The following STRIP2 variants were observed in gnomAD, a reference collection of about 807,000 sequenced individuals.
STRIP2 encodes the protein striatin interacting protein 2.
STRIP2 carries 84 observed loss-of-function variants against 107.1 expected under a neutral mutation model. That is an observed-to-expected ratio of 0.78 (90% confidence interval 0.66 to 0.94). The LOEUF (loss-of-function observed/expected upper bound fraction) is 0.94. STRIP2 is among the 40% of genes least tolerant of loss of function. The probability of loss-of-function intolerance (pLI) is 0.00; values close to 1 mark genes in which losing one functional copy is unlikely to be tolerated. For synonymous variants in STRIP2, 394 were observed against 400.4 expected, an observed-to-expected ratio of 0.98 and a Z score of 0.19; for missense variants, 888 against 1,034.2, an observed-to-expected ratio of 0.86 and a Z score of 1.94.
At chr7:129,440,140 AGGGAAGG>A in intron 2 of STRIP2, 49 bp downstream of exon 2, 2 of 1,517,888 alleles carry the variant, frequency 1.3e-6, no homozygotes, top group Non-Finnish European at 1.8e-6. Context: ...CCAGGAGGAG[AGGGAAGG>A]GGCCTGTGAT....
intron 3 of STRIP2, among the ~76,000 whole-genome samples, chr7:129,446,206 G>C (rs1367702229): frequency 6.6e-6 from 1 of 152,146 alleles, no homozygotes; most frequent in African/African-American, 2.4e-5. Flanking sequence ...AGGCTGATTG[G>C]TGTCCACAGA....
intron 1 of STRIP2, 58 bp from the exon 2 acceptor site, chr7:129,439,964 C>T: frequency 7.2e-7 from 1 of 1,387,836 alleles, no homozygotes; most frequent in Non-Finnish European, 1.0e-6. Flanking sequence ...TACAGTCTTC[C>T]CTTGGCAACC....
At chr7:129,456,350 C>T in intron 8 of STRIP2, 89 bp from the exon 9 acceptor site, 1 of 1,227,144 alleles carries the variant, frequency 8.1e-7, no homozygotes, top group Admixed American at 1.9e-5. Context: ...GGTTGTGGCC[C>T]TTTCTTTTCA....
At chr7:129,437,435 TAA>T (rs111422796) in intron 1 of STRIP2, among the ~76,000 whole-genome samples, 1 of 144,454 alleles carries the variant, frequency 6.9e-6, no homozygotes, top group Non-Finnish European at 1.5e-5. Context: ...GACCCTGTCT[TAA>T]AAAAAAAAAG....
chr7:129,477,459 A>G (rs558992317), intron 18 of STRIP2, among the ~76,000 whole-genome samples: 2 of 152,288 alleles, frequency 1.3e-5, no homozygotes, highest in East Asian at 1.9e-4. Flanking sequence ...CACTATTTCT[A>G]TAATGGGTTC....
chr7:129,459,681 T>G (rs1204198343), intron 12 of STRIP2, 101 bp downstream of exon 12: 2 of 931,596 alleles, frequency 2.1e-6, no homozygotes, highest in Non-Finnish European at 3.4e-6. Flanking sequence ...TACCAGACTC[T>G]TTCTGGACCT....
chr7:129,481,276 A>C (rs11769581), intron 19 of STRIP2, among the ~76,000 whole-genome samples: 30,028 of 152,040 alleles, frequency 0.2, 3,884 homozygotes, highest in Non-Finnish European at 0.28. Flanking sequence ...AGGCGGGCAG[A>C]TAACAAGGTC....
intron 17 of STRIP2, 148 bp from the exon 18 acceptor site, chr7:129,470,501 C>A: frequency 1.6e-6 from 1 of 618,804 alleles, no homozygotes; most frequent in Non-Finnish European, 3.0e-6. Context: ...TGCCTGGCAC[C>A]AGAGCCCTCA....
At chr7:129,436,014 C>T (rs1400697331) in intron 1 of STRIP2, among the ~76,000 whole-genome samples, 1 of 151,954 alleles carries the variant, frequency 6.6e-6, no homozygotes, top group Non-Finnish European at 1.5e-5. Flanking sequence ...CTCAGCCCTC[C>T]TGTCTTGCTA....
At chr7:129,474,924 A>T (rs1340309495) in intron 18 of STRIP2, among the ~76,000 whole-genome samples, 1 of 152,228 alleles carries the variant, frequency 6.6e-6, no homozygotes, top group Non-Finnish European at 1.5e-5. Context: ...AGCTAATGGC[A>T]TATTAATTTC....
At chr7:129,457,407 A>G (rs1421356604) in intron 9 of STRIP2, among the ~76,000 whole-genome samples, 3 of 152,242 alleles carry the variant, frequency 2.0e-5, no homozygotes, top group African/African-American at 7.2e-5. Flanking sequence ...TGGGTCCACA[A>G]TTACATATGC....
chr7:129,456,668 T>C lies in STRIP2; in HGVS notation c.1038+26T>C. On this transcript the variant is annotated intron_variant, in intron 9 of 20. Coordinates refer to ENST00000249344, the MANE Select transcript of STRIP2 (RefSeq NM_020704.3). ...GTATGGACTGAAGCAGACAATGGTA[T>C]TGGGACACCGACTGGCCAAAAATCA... 4.4e-6 allele frequency: 7 copies of C among 1,595,866 alleles called. No individual in the cohort carries two copies. In the South Asian group the frequency reaches 5.5e-5, roughly 13 times the overall value.
At position 129,434,565 on chromosome 7, in the gene STRIP2, C is replaced by T. The variant is rs1375846100; in HGVS notation, c.93C>T (p.Gly31=). Residue 31 remains glycine (G), a synonymous_variant, in exon 1 of 21, where the codon GGC becomes GGT. Transcript: ENST00000249344. ...GGKGKQAAPK[G]REAFRSQRRE... ...AAGGGAAGCAGGCGGCGCCCAAGGG[C>T]CGCGAAGCGTTCCGAAGCCAGCGGC... The T allele has an allele frequency of 1.3e-6, 2 of 1,516,342 alleles. No homozygotes were observed. Among genetic ancestry groups the T allele is most frequent in the African/African-American group, 2.8e-5 (2 of 70,292 alleles). 93.9% of individuals were successfully genotyped at this position (1,516,342 alleles called of 1,614,324 possible).
rs1403297555 is a variant in STRIP2, at chr7:129,487,078, A to G, written c.*1249A>G. The G allele has an allele frequency of 7.8e-6, 1 of 128,334 alleles. No individual in the cohort carries two copies. The highest frequency in any genetic ancestry group is 1.5e-5 in the Non-Finnish European group (1 of 64,966). The allele number at this position is 128,334 out of a possible 1,614,324, so 7.9% of individuals were successfully genotyped here. A position where few individuals can be genotyped will look rare whatever the true frequency, so the allele number is the denominator to read the frequency against. On this transcript the variant is annotated 3_prime_UTR_variant, in exon 21 of 21. Coordinates refer to ENST00000249344, the MANE Select transcript of STRIP2 (RefSeq NM_020704.3). ...GCCCAAGCTGGAGTGCAATGGCACG[A>G]TCTCGGCTCACTGCAACCTCCGCCT...
chr7:129,468,340 A>G (rs1200760831), intron 17 of STRIP2, among the ~76,000 whole-genome samples: 2 of 152,176 alleles, frequency 1.3e-5, no homozygotes, highest in Non-Finnish European at 2.9e-5. Flanking sequence ...TATGTAGCTT[A>G]AAACACACAC....
chr7:129,453,157 A>G, intron 4 of STRIP2, 70 bp from the exon 5 acceptor site: 2 of 1,595,728 alleles, frequency 1.3e-6, no homozygotes, highest in African/African-American at 2.7e-5. Context: ...TCTTAAGATC[A>G]TGGGGCAGGG....
At chr7:129,466,484 A>G (rs1471840585) in intron 16 of STRIP2, among the ~76,000 whole-genome samples, 2 of 152,084 alleles carry the variant, frequency 1.3e-5, no homozygotes, top group African/African-American at 2.4e-5. Flanking sequence ...GAGGATTTAA[A>G]ACACCATAGT....
intron 1 of STRIP2, among the ~76,000 whole-genome samples, chr7:129,437,855 G>C (rs889173316): frequency 6.7e-6 from 1 of 149,548 alleles, no homozygotes; most frequent in African/African-American, 2.5e-5. Flanking sequence ...ACCCAGGCTG[G>C]AGTGCAGTGG....
Position 129,483,160 on chromosome 7 carries a change from A to T in STRIP2, c.2254+114A>T, listed in dbSNP as rs1258392785. 5.3e-5 allele frequency: 78 copies of T among 1,473,372 alleles called. No individual in the cohort carries two copies. The highest frequency in any genetic ancestry group is 6.5e-5 in the Non-Finnish European group (72 of 1,111,946). 91.3% of individuals were successfully genotyped at this position (1,473,372 alleles called of 1,614,324 possible). ...AATTGTTACATATTTTAGATGAAAAAATATGTGATTATAGGTCAGGCGCTG... is the reference window on the plus strand; with the variant it reads ...AATTGTTACATATTTTAGATGAAAATATATGTGATTATAGGTCAGGCGCTG... On this transcript the variant is annotated intron_variant, in intron 20 of 20. Coordinates refer to ENST00000249344, the MANE Select transcript of STRIP2 (RefSeq NM_020704.3). The surrounding 1 kb of genome is among the most constrained non-coding windows in gnomAD (Gnocchi z 5.1).
Sources: allele counts gnomAD v4.1 joint callset (sites outside exome capture counted in the v4.1 genomes callset), GRCh38; gene constraint gnomAD v4.1.1; non-coding constraint Gnocchi (gnomAD v3.1); transcripts MANE v1.5; gene names NCBI Gene and HGNC (gene_info 2026-07-23, HGNC 2026-07-21).